PCDHGB6: variants seen among roughly 807,000 people sequenced by gnomAD.
PCDHGB6 encodes protocadherin gamma subfamily B, 6.
Under a neutral mutation model 59.1 loss-of-function variants are expected in PCDHGB6, and 51 were observed. The ratio of observed to expected loss-of-function variants is 0.86; its 90% CI spans 0.69 to 1.09. The LOEUF (loss-of-function observed/expected upper bound fraction) is 1.09. Among genes scored for constraint, PCDHGB6 ranks in the 50% least tolerant of loss-of-function variants. The probability of loss-of-function intolerance (pLI) is 0.00; values close to 1 mark genes in which losing one functional copy is unlikely to be tolerated. For missense variants in PCDHGB6, 1,148 were observed against 1,205.1 expected (o/e 0.95, Z 0.70); for synonymous variants, 466 against 495.1 (o/e 0.94, Z 0.78).
At chr5:141,427,333 T>C (rs1157500463) in intron 1 of PCDHGB6, 1 of 457,322 alleles carries the variant, frequency 2.2e-6, no homozygotes, top group Non-Finnish European at 4.4e-6. Context: ...TTTACTTCAG[T>C]GTCCAGTTCT....
At chr5:141,466,898 A>G (rs1029507733) in intron 1 of PCDHGB6, among the ~76,000 whole-genome samples, 1 of 152,170 alleles carries the variant, frequency 6.6e-6, no homozygotes, top group African/African-American at 2.4e-5. Context: ...TTTTCCATGA[A>G]GTTTTTGAAA....
chr5:141,478,376 C>T, intron 1 of PCDHGB6: 4 of 1,613,672 alleles, frequency 2.5e-6, no homozygotes, highest in Non-Finnish European at 3.4e-6. Flanking sequence ...CCTGATGTCG[C>T]CGCACCTTTA....
chr5:141,485,949 T>C lies in PCDHGB6; in HGVS notation c.2419-8858T>C. Reference sequence around the variant, plus strand: ...GTGTTGGAGAGCGCACCAGCGGGCATGGTGCTCATCCAGCTCAATGCCTCA... The same window carrying C: ...GTGTTGGAGAGCGCACCAGCGGGCACGGTGCTCATCCAGCTCAATGCCTCA... On this transcript the variant is annotated intron_variant, in intron 1 of 3. Transcript: ENST00000520790. This position sits in a 1 kb window ranked among gnomAD's most constrained non-coding sequence, Gnocchi z 5.7. 2 of 1,614,178 alleles carry C rather than the reference T, an allele frequency of 1.2e-6. No individual in the cohort carries two copies.
intron 1 of PCDHGB6, chr5:141,418,610 C>T: frequency 6.2e-7 from 1 of 1,614,054 alleles, no homozygotes; most frequent in Non-Finnish European, 8.5e-7. Context: ...CAGGGTTAGC[C>T]TTCGGGAAGA....
intron 1 of PCDHGB6, chr5:141,478,822 T>C: frequency 4.2e-6 from 6 of 1,444,070 alleles, no homozygotes; most frequent in Non-Finnish European, 5.5e-6. Flanking sequence ...AACTAACCAA[T>C]CTTGCTAAGG....
chr5:141,416,306 G>A (rs1186519939), intron 1 of PCDHGB6: 1 of 152,186 alleles, frequency 6.6e-6, no homozygotes, highest in Non-Finnish European at 1.5e-5. Flanking sequence ...CTATGTGGAA[G>A]ATATAGCATT....
intron 1 of PCDHGB6, among the ~76,000 whole-genome samples, chr5:141,484,358 G>A (rs2099595185): frequency 6.6e-6 from 1 of 152,160 alleles, no homozygotes; most frequent in South Asian, 2.1e-4. Flanking sequence ...AGTGTATCTA[G>A]TGTATCACTA....
At chr5:141,492,601 C>T (rs1374321466) in intron 1 of PCDHGB6, among the ~76,000 whole-genome samples, 2 of 152,220 alleles carry the variant, frequency 1.3e-5, no homozygotes, top group East Asian at 3.9e-4. Context: ...GGAGCGACTG[C>T]CGCTCTAAGT....
At chr5:141,465,747 A>G (rs2099108470) in intron 1 of PCDHGB6, among the ~76,000 whole-genome samples, 2 of 151,126 alleles carry the variant, frequency 1.3e-5, no homozygotes, top group African/African-American at 4.9e-5. Flanking sequence ...TCAGGATCAG[A>G]CTGGTAAAGT....
At chr5:141,413,257 T>C (rs777964429) in intron 1 of PCDHGB6, 3 of 1,613,954 alleles carry the variant, frequency 1.9e-6, no homozygotes, top group African/African-American at 1.3e-5. Flanking sequence ...CGGGATTCCA[T>C]GGGAGGCTGG....
In PCDHGB6 at chr5:141,476,606, G is replaced by A; in HGVS notation, c.2419-18201G>A. 1 of 1,614,244 alleles carries A rather than the reference G, an allele frequency of 6.2e-7. No homozygotes were observed. Among genetic ancestry groups the A allele is most frequent in the Non-Finnish European group, 8.5e-7 (1 of 1,180,046 alleles). Reference sequence around the variant, plus strand: ...GCTCGAGAGCGCGCACGATCCCGATGTGGGAAGCAACTCTTTACAAACCTA... The same window carrying A: ...GCTCGAGAGCGCGCACGATCCCGATATGGGAAGCAACTCTTTACAAACCTA... On this transcript the variant is annotated intron_variant, in intron 1 of 3. Transcript: ENST00000520790. The surrounding 1 kb of genome is among the most constrained non-coding windows in gnomAD (Gnocchi z 7.6).
chr5:141,476,726 C>T lies in PCDHGB6; in HGVS notation c.2419-18081C>T. On this transcript the variant is annotated intron_variant, in intron 1 of 3. Coordinates refer to ENST00000520790, the MANE Select transcript of PCDHGB6 (RefSeq NM_018926.3). This position sits in a 1 kb window ranked among gnomAD's most constrained non-coding sequence, Gnocchi z 7.6. ...GCTGGTGTTGGAGCGCGCCCTGGAC[C>T]GAGAACGGGAGCCTAGTCTCCAGTT... The T allele has an allele frequency of 6.2e-7, 1 of 1,614,116 alleles. No homozygotes were observed. The highest frequency in any genetic ancestry group is 8.5e-7 in the Non-Finnish European group (1 of 1,180,028).
chr5:141,413,889 T>C (rs1394681178), intron 1 of PCDHGB6: 4 of 1,613,392 alleles, frequency 2.5e-6, no homozygotes, highest in Non-Finnish European at 3.4e-6. Flanking sequence ...CTGTCTTCGA[T>C]GCAAATGACA....
In PCDHGB6 at chr5:141,419,435, C is replaced by A. The variant is rs2096382649; in HGVS notation, c.2418+8815C>A. The A allele has an allele frequency of 2.5e-6, 4 of 1,613,108 alleles. No individual in the cohort carries two copies. In the African/African-American group the frequency reaches 4.0e-5, roughly 16 times the overall value. ...GCGCGCCTTCGACCACGAGCAGCTG[C>A]GCACCTTCGAGCTCACGCTGCAGGC... is the stretch of plus-strand genomic sequence containing the variant. On this transcript the variant is annotated intron_variant, in intron 1 of 3. Transcript: ENST00000520790.
In PCDHGB6 at chr5:141,512,223, C is replaced by G. The variant is rs1321595614; in HGVS notation, c.*1050C>G. 6.5e-6 allele frequency: 1 copy of G among 152,728 alleles called. No individual in the cohort carries two copies. The highest frequency in any genetic ancestry group is 1.5e-5 in the Non-Finnish European group (1 of 68,110). 9.5% of individuals were successfully genotyped at this position (152,728 alleles called of 1,614,324 possible). ...CTCGAAGCAGGTTTAGGACCAGGTC[C>G]CCTTGAGAGGTCAGAGGGGCCTCTG... On this transcript the variant is annotated 3_prime_UTR_variant, in exon 4 of 4. Transcript: ENST00000520790.
intron 1 of PCDHGB6, chr5:141,471,339 C>G (rs537413312): frequency 2.6e-5 from 4 of 152,366 alleles, no homozygotes; most frequent in Admixed American, 2.6e-4. Context: ...GTATGATCCA[C>G]TGCGCCCGGC....
Position 141,408,969 on chromosome 5 carries a change from C to T in PCDHGB6, c.767C>T (p.Pro256Leu), listed in dbSNP as rs1005367761. ...AGAATTAGTCTTAGTGAAAATCTGC[C>T]CCCTGGGTCCCCTGTGTTGCAAGTG... ...EYRISLSENL[P>L]PGSPVLQVTA... The change falls in exon 1 of 4, where the codon CCC becomes CTC. Residue 256 changes from proline to leucine, a missense_variant. This residue lies in a region of PCDHGB6 where 307 missense variants were observed against 323.8 expected (regional missense o/e 0.95). Transcript: ENST00000520790. 3.7e-6 allele frequency: 6 copies of T among 1,613,594 alleles called. No individual in the cohort carries two copies. Among genetic ancestry groups the T allele is most frequent in the Non-Finnish European group, 5.1e-6 (6 of 1,179,830 alleles).
Position 141,409,388 on chromosome 5 carries a change from T to C in PCDHGB6, c.1186T>C (p.Ser396Pro). ...IETDIPFKIY[S>P]SSNNYYKLVT... ...AACAGACATTCCATTCAAGATTTATTCTTCTTCCAATAACTACTACAAACT... is the reference window on the plus strand; with the variant it reads ...AACAGACATTCCATTCAAGATTTATCCTTCTTCCAATAACTACTACAAACT... The change falls in exon 1 of 4, where the codon TCT becomes CCT. Residue 396 changes from serine (S) to proline (P), a missense_variant. By Grantham distance (74) the Ser-to-Pro change is moderately conservative. Transcript: ENST00000520790. 1 of 1,614,018 alleles carries C rather than the reference T, an allele frequency of 6.2e-7. No homozygotes were observed. Among genetic ancestry groups the C allele is most frequent in the Non-Finnish European group, 8.5e-7 (1 of 1,179,898 alleles).
At chr5:141,499,461 A>G (rs1448103747) in intron 2 of PCDHGB6, among the ~76,000 whole-genome samples, 2 of 152,226 alleles carry the variant, frequency 1.3e-5, no homozygotes. Flanking sequence ...TCATTTTACA[A>G]TCTAGGGAGA....
Sources: allele counts gnomAD v4.1 joint callset (sites outside exome capture counted in the v4.1 genomes callset), GRCh38; gene constraint gnomAD v4.1.1; regional missense constraint gnomAD v4.1.1; non-coding constraint Gnocchi (gnomAD v3.1); transcripts MANE v1.5; gene names NCBI Gene and HGNC (gene_info 2026-07-23, HGNC 2026-07-21).